RAD21: variants seen among roughly 807,000 people sequenced by gnomAD.
The protein encoded by RAD21 is RAD21 cohesin complex component, also known as double-strand-break repair protein rad21 homolog.
Under a neutral mutation model 71.5 loss-of-function variants are expected in RAD21, and 18 were observed. The ratio of observed to expected loss-of-function variants is 0.25; its 90% CI spans 0.17 to 0.37. The LOEUF is 0.37. Among genes scored for constraint, RAD21 ranks in the 10% least tolerant of loss-of-function variants. The pLI is 1.00. For missense variants in RAD21, 493 were observed against 769.1 expected (o/e 0.64, Z 4.25); for synonymous variants, 248 against 254.0 (o/e 0.98, Z 0.22).
intron 11 of RAD21, 78 bp from the exon 12 acceptor site, chr8:116,850,845 G>A (rs1812334965): frequency 2.0e-6 from 2 of 1,025,500 alleles, no homozygotes; most frequent in Admixed American, 4.4e-5. Flanking sequence ...ATACACAGTG[G>A]CTGAAGTTTT....
At chr8:116,856,464 C>CA (rs1430736561) in intron 7 of RAD21, among the ~76,000 whole-genome samples, 176 bp from the exon 8 acceptor site, 1 of 151,648 alleles carries the variant, frequency 6.6e-6, no homozygotes, top group Non-Finnish European at 1.5e-5. Context: ...CCCAATTGGC[C>CA]AAAAAAATGG....
At position 116,850,656 on chromosome 8, in the gene RAD21, CCTT is replaced by C. The variant is rs1365277271; in HGVS notation, c.1579_1581del (p.Lys527del). The stretch of plus-strand genomic sequence containing the variant: ...TCATCTTCTTTTTCCTTCTCTTTCT[CCTT>C]CTCTTTTTCTGGCAGAAGTTCTAAC... On this transcript the variant is annotated inframe_deletion, in exon 12 of 14. Transcript: ENST00000297338. The C allele has an allele frequency of 1.2e-6, 2 of 1,610,706 alleles. No homozygotes were observed. The highest frequency in any genetic ancestry group is 8.5e-7 in the Non-Finnish European group (1 of 1,177,164).
chr8:116,864,254 G>C (rs1431875817), intron 2 of RAD21, among the ~76,000 whole-genome samples: 1 of 151,988 alleles, frequency 6.6e-6, no homozygotes, highest in African/African-American at 2.4e-5. Context: ...AACATCCCCA[G>C]ATACTTTCCC....
intron 1 of RAD21, among the ~76,000 whole-genome samples, chr8:116,873,638 T>TA (rs1812891779): frequency 6.6e-6 from 1 of 151,240 alleles, no homozygotes; most frequent in Admixed American, 6.6e-5. Flanking sequence ...CAAACGCTGT[T>TA]TTTTTTTTCA....
chr8:116,873,318 T>C (rs901759858), intron 1 of RAD21, among the ~76,000 whole-genome samples: 45 of 152,210 alleles, frequency 3.0e-4, no homozygotes, highest in Admixed American at 2.7e-3. Context: ...ACCTCAACTA[T>C]ACAAACTGTT....
At chr8:116,853,906 C>A (rs1812408653) in intron 9 of RAD21, among the ~76,000 whole-genome samples, 1 of 152,076 alleles carries the variant, frequency 6.6e-6, no homozygotes, top group African/African-American at 2.4e-5. Flanking sequence ...AAAAGGAGAA[C>A]CACTCATGTT....
chr8:116,856,141 T>A, intron 8 of RAD21, 25 bp downstream of exon 8: 1 of 1,603,756 alleles, frequency 6.2e-7, no homozygotes, highest in Non-Finnish European at 8.5e-7. Flanking sequence ...GTATGCTGTA[T>A]AAATCTAAAG....
chr8:116,853,117 C>T (rs766000588), intron 9 of RAD21, among the ~76,000 whole-genome samples: 1 of 152,038 alleles, frequency 6.6e-6, no homozygotes, highest in East Asian at 1.9e-4. Flanking sequence ...CTCACTCTGT[C>T]GCCCAGGCTG....
intron 1 of RAD21, among the ~76,000 whole-genome samples, chr8:116,869,485 T>C (rs1812765844): frequency 6.6e-6 from 1 of 152,094 alleles, no homozygotes; most frequent in African/African-American, 2.4e-5. Flanking sequence ...CTCAGGTGGC[T>C]GAGGCAGGAG....
At chr8:116,855,702 A>G (rs911142747) in intron 8 of RAD21, among the ~76,000 whole-genome samples, 2 of 147,062 alleles carry the variant, frequency 1.4e-5, no homozygotes, top group African/African-American at 2.6e-5. Context: ...ACCAGCCTCT[A>G]GTTTTGTTTT....
intron 1 of RAD21, among the ~76,000 whole-genome samples, chr8:116,873,070 A>T (rs771420235): frequency 3.9e-5 from 6 of 152,252 alleles, no homozygotes; most frequent in Non-Finnish European, 5.9e-5. Context: ...CTCTGAAGAC[A>T]ATCTTGCAGC....
At position 116,846,993 on chromosome 8, in the gene RAD21, T is replaced by C. The variant is rs1322736953; in HGVS notation, c.*507A>G. 12 of 217,806 alleles carry C rather than the reference T, an allele frequency of 5.5e-5. No homozygotes were observed. Among genetic ancestry groups the C allele is most frequent in the African/African-American group, 9.0e-5 (4 of 44,546 alleles). 13.5% of individuals were successfully genotyped at this position (217,806 alleles called of 1,614,324 possible). On this transcript the variant is annotated 3_prime_UTR_variant, in exon 14 of 14. Transcript: ENST00000297338. ...AAAACGAATCTCAAGAGGGTGACCA[T>C]TGTTGTTTCAGATACCATCCCTAAG...
At chr8:116,870,315 G>A (rs1375512631) in intron 1 of RAD21, among the ~76,000 whole-genome samples, 1 of 152,022 alleles carries the variant, frequency 6.6e-6, no homozygotes. Context: ...ATGCTTGAGG[G>A]CAGGAGTTCC....
At chr8:116,864,456 T>G (rs1374014323) in intron 2 of RAD21, among the ~76,000 whole-genome samples, 2 of 152,150 alleles carry the variant, frequency 1.3e-5, no homozygotes, top group East Asian at 1.9e-4. Context: ...ATGAGCATTT[T>G]ATGTGACTTA....
chr8:116,873,952 C>T (rs1365853848), intron 1 of RAD21, among the ~76,000 whole-genome samples: 1 of 152,208 alleles, frequency 6.6e-6, no homozygotes, highest in East Asian at 1.9e-4. Flanking sequence ...AAGCAACTTC[C>T]CTCCGTCTCT....
At position 116,869,256 on chromosome 8, in the gene RAD21, C is replaced by T. The variant is rs574878535; in HGVS notation, c.-32-2495G>A. Among the ~76,000 whole-genome samples, 5 of 152,072 alleles carry T rather than the reference C, an allele frequency of 3.3e-5. No individual in the cohort carries two copies. In the South Asian group the frequency reaches 1.0e-3, roughly 32 times the overall value. On this transcript the variant is annotated intron_variant, in intron 1 of 13. Transcript: ENST00000297338. The stretch of plus-strand genomic sequence containing the variant: ...AATATGTAAAGAATTCTTAAAACTT[C>T]AGGGGTAAGAAGAAAAAAAAACTCC...
At chr8:116,872,665 T>G (rs941654909) in intron 1 of RAD21, among the ~76,000 whole-genome samples, 2 of 152,174 alleles carry the variant, frequency 1.3e-5, no homozygotes, top group Non-Finnish European at 2.9e-5. Flanking sequence ...TAACTAGCAG[T>G]TAAGCTGCCT....
chr8:116,852,739 AT>A (rs1327243843), intron 9 of RAD21, 31 bp from the exon 10 acceptor site: 1 of 1,394,008 alleles, frequency 7.2e-7, no homozygotes, highest in East Asian at 2.7e-5. Context: ...AAAAATTTCA[AT>A]TATAAAATAA....
At chr8:116,851,687 C>T (rs1206434759) in intron 11 of RAD21, 3 of 307,110 alleles carry the variant, frequency 9.8e-6, no homozygotes, top group East Asian at 5.1e-5. Context: ...TCAGAACCAA[C>T]TTCAGAGTCA....
Sources: allele counts gnomAD v4.1 joint callset (sites outside exome capture counted in the v4.1 genomes callset), GRCh38; gene constraint gnomAD v4.1.1; transcripts MANE v1.5; gene names NCBI Gene and HGNC (gene_info 2026-07-23, HGNC 2026-07-21).